The following EPHA6 variants were observed in gnomAD, a reference collection of about 807,000 sequenced individuals.
The protein encoded by EPHA6 is ephrin type-A receptor 6.
Under a neutral mutation model 112.0 loss-of-function variants are expected in EPHA6, and 50 were observed. The ratio of observed to expected loss-of-function variants is 0.45; its 90% confidence interval spans 0.36 to 0.56. The LOEUF (loss-of-function observed/expected upper bound fraction) is 0.56, where lower values mean the gene tolerates loss of function less well. EPHA6 is among the 20% of genes least tolerant of loss of function. The probability of loss-of-function intolerance (pLI) is 0.00; values close to 1 mark genes in which losing one functional copy is unlikely to be tolerated. For missense variants in EPHA6, 1,280 were observed against 1,417.4 expected (o/e 0.90, Z 1.56); for synonymous variants, 529 against 490.7 (o/e 1.08, Z -1.03).
rs2045763427 is a variant in EPHA6, at chr3:97,053,808, C to T, written c.1114+65815C>T. ...GAGTATCTTCTCAGAGGCAAATTTACCTTATAGCTGAAAAAGCTTAACCTT... is the reference window on the plus strand; with the variant it reads ...GAGTATCTTCTCAGAGGCAAATTTATCTTATAGCTGAAAAAGCTTAACCTT... On this transcript the variant is annotated intron_variant, in intron 3 of 17. Transcript: ENST00000389672. 2.0e-5 allele frequency among the ~76,000 whole-genome samples: 3 copies of T among 152,054 alleles called. No homozygotes were observed. The South Asian group carries it at 6.2e-4, about 31-fold the overall frequency.
intron 3 of EPHA6, among the ~76,000 whole-genome samples, chr3:97,050,502 AAT>A (rs1277448489): frequency 6.6e-6 from 1 of 152,188 alleles, no homozygotes; most frequent in Non-Finnish European, 1.5e-5. Context: ...GTTTTTCAAA[AAT>A]ATGTTTCCCA....
At chr3:97,730,431 A>T (rs1340376595) in intron 15 of EPHA6, among the ~76,000 whole-genome samples, 1 of 152,126 alleles carries the variant, frequency 6.6e-6, no homozygotes, top group African/African-American at 2.4e-5. Context: ...TTATCATTGC[A>T]GTCATTTTCA....
chr3:96,966,841 T>G (rs2107769611), intron 2 of EPHA6, among the ~76,000 whole-genome samples: 2 of 152,180 alleles, frequency 1.3e-5, no homozygotes, highest in Admixed American at 6.6e-5. Context: ...ACTTATAAAC[T>G]ATTGCATTTA....
intron 3 of EPHA6, among the ~76,000 whole-genome samples, chr3:96,990,520 A>T (rs1234757994): frequency 6.6e-6 from 1 of 152,096 alleles, no homozygotes; most frequent in African/African-American, 2.4e-5. Flanking sequence ...TGTTTTTTTT[A>T]AATTTATAAA....
At chr3:97,141,856 C>CAA (rs113458016) in intron 3 of EPHA6, among the ~76,000 whole-genome samples, 24 of 151,918 alleles carry the variant, frequency 1.6e-4, no homozygotes, top group African/African-American at 5.3e-4. Context: ...GAGATTGAGA[C>CAA]AAAAAACAAG....
intron 5 of EPHA6, among the ~76,000 whole-genome samples, chr3:97,353,011 C>A (rs2083890902): frequency 6.6e-6 from 1 of 152,102 alleles, no homozygotes; most frequent in African/African-American, 2.4e-5. Flanking sequence ...CCCATCCAGG[C>A]CCTAGTTCCT....
chr3:97,357,754 A>G (rs747341447), intron 5 of EPHA6, among the ~76,000 whole-genome samples: 1 of 152,176 alleles, frequency 6.6e-6, no homozygotes, highest in African/African-American at 2.4e-5. Context: ...CAATTAACAC[A>G]TATTTTCTAT....
chr3:97,448,638 C>T lies in EPHA6; in HGVS notation c.1802C>T (p.Pro601Leu), dbSNP rs1295665653. 1.2e-6 allele frequency: 2 copies of T among 1,613,432 alleles called. No homozygotes were observed. The highest frequency in any genetic ancestry group is 2.7e-5 in the African/African-American group (2 of 74,878). Residue 601 changes from proline to leucine, a missense_variant, in exon 7 of 18, where the codon CCA becomes CTA. Pro to Leu is a moderately conservative substitution (Grantham distance 98). Around this residue, in one of 4 missense-constraint regions of EPHA6, gnomAD observed 878 missense variants for 999.7 expected, o/e 0.88. Coordinates refer to ENST00000389672, the MANE Select transcript of EPHA6 (RefSeq NM_001080448.3). Reference sequence around the variant, plus strand: ...AGTGTCATCATCACAGGTCTTAAGCCAGCCACCAAATATGTATTTCACATC... The same window carrying T: ...AGTGTCATCATCACAGGTCTTAAGCTAGCCACCAAATATGTATTTCACATC... ...APSVIITGLKPATKYVFHIRV... is the reference protein window; with the variant it reads ...APSVIITGLKLATKYVFHIRV...
chr3:97,301,322 A>G (rs924915261), intron 5 of EPHA6, among the ~76,000 whole-genome samples: 1 of 152,174 alleles, frequency 6.6e-6, no homozygotes, highest in Non-Finnish European at 1.5e-5. Flanking sequence ...CTATGAATTC[A>G]GCATGCTGAC....
At chr3:97,215,696 A>G (rs1035335539) in intron 3 of EPHA6, among the ~76,000 whole-genome samples, 6 of 152,108 alleles carry the variant, frequency 3.9e-5, no homozygotes, top group African/African-American at 1.4e-4. Context: ...TTCTCTAAAA[A>G]TTGACTTTTG....
At chr3:97,003,669 C>A (rs1383573563) in intron 3 of EPHA6, among the ~76,000 whole-genome samples, 1 of 151,856 alleles carries the variant, frequency 6.6e-6, no homozygotes. Flanking sequence ...TTCTTTATTT[C>A]TTCTTCAAAA....
chr3:97,554,215 A>G (rs2093070260), intron 11 of EPHA6, among the ~76,000 whole-genome samples: 1 of 152,144 alleles, frequency 6.6e-6, no homozygotes, highest in Admixed American at 6.6e-5. Flanking sequence ...AAAATACATC[A>G]TAAACCTGCT....
intron 2 of EPHA6, among the ~76,000 whole-genome samples, chr3:96,909,951 C>T (rs1346320834): frequency 6.6e-6 from 1 of 151,942 alleles, no homozygotes; most frequent in Admixed American, 6.6e-5. Context: ...TAAGCTTCCG[C>T]CTTTCTGTTT....
intron 14 of EPHA6, among the ~76,000 whole-genome samples, chr3:97,679,099 G>A (rs2031647780): frequency 6.6e-6 from 1 of 152,046 alleles, no homozygotes; most frequent in South Asian, 2.1e-4. Context: ...TTATTTATTA[G>A]TGATTCTTAA....
intron 5 of EPHA6, among the ~76,000 whole-genome samples, chr3:97,397,245 A>G (rs2086745459): frequency 6.6e-6 from 1 of 151,618 alleles, no homozygotes; most frequent in Admixed American, 6.6e-5. Flanking sequence ...ACTTTTTAGC[A>G]TCAGAGATAA....
chr3:97,036,099 G>A (rs894625048), intron 3 of EPHA6, among the ~76,000 whole-genome samples: 12 of 151,876 alleles, frequency 7.9e-5, no homozygotes, highest in Admixed American at 1.3e-4. Context: ...CCAGTGCCTC[G>A]ATCTTGTGCT....
At chr3:97,743,207 T>C (rs1361357513) in intron 16 of EPHA6, among the ~76,000 whole-genome samples, 1 of 152,136 alleles carries the variant, frequency 6.6e-6, no homozygotes, top group Non-Finnish European at 1.5e-5. Context: ...TGGAATTAAA[T>C]GAAAATATTC....
At chr3:97,398,507 C>A (rs535379072) in intron 5 of EPHA6, among the ~76,000 whole-genome samples, 1 of 151,170 alleles carries the variant, frequency 6.6e-6, no homozygotes, top group South Asian at 2.1e-4. Context: ...TTTTTCTGTT[C>A]TTTTTTTAAT....
chr3:97,462,561 C>T (rs1188540557), intron 7 of EPHA6, among the ~76,000 whole-genome samples: 2 of 152,026 alleles, frequency 1.3e-5, no homozygotes, highest in East Asian at 3.9e-4. Flanking sequence ...TCATGAATGT[C>T]CTTGCACAGA....
Sources: allele counts gnomAD v4.1 joint callset (sites outside exome capture counted in the v4.1 genomes callset), GRCh38; gene constraint gnomAD v4.1.1; regional missense constraint gnomAD v4.1.1; transcripts MANE v1.5; gene names NCBI Gene and HGNC (gene_info 2026-07-23, HGNC 2026-07-21).